CASKIN1: variants seen among roughly 807,000 people sequenced by gnomAD.
CASKIN1 encodes CASK interacting protein 1.
Under a neutral mutation model 117.5 loss-of-function variants are expected in CASKIN1, and 42 were observed. The observed-to-expected ratio is 0.36, with a 90% CI of 0.28 to 0.46. The LOEUF is 0.46. Ranked by LOEUF, CASKIN1 falls within the 20% of genes least tolerant of loss-of-function variation. The pLI is 1.00. For missense variants in CASKIN1, 2,083 were observed against 2,077.3 expected (o/e 1.00, Z -0.05); for synonymous variants, 1,148 against 961.7 (o/e 1.19, Z -3.59).
chr16:2,192,260 C>T (rs2093203376), intron 1 of CASKIN1, among the ~76,000 whole-genome samples: 1 of 151,680 alleles, frequency 6.6e-6, no homozygotes, highest in African/African-American at 2.4e-5. Context: ...GGTCGCACCA[C>T]TCACTGCATT....
At chr16:2,183,367 T>C (rs2093173899) in intron 16 of CASKIN1, among the ~76,000 whole-genome samples, 1 of 152,168 alleles carries the variant, frequency 6.6e-6, no homozygotes, top group South Asian at 2.1e-4. Flanking sequence ...GCAGCCTGCA[T>C]GTGGAGGGAG....
At position 2,196,438 on chromosome 16, in the gene CASKIN1, G is replaced by C; in HGVS notation, c.-6C>G. 1.6e-6 allele frequency: 2 copies of C among 1,262,552 alleles called. No individual in the cohort carries two copies. Among genetic ancestry groups the C allele is most frequent in the Non-Finnish European group, 2.0e-6 (2 of 989,328 alleles). 78.2% of individuals were successfully genotyped at this position (1,262,552 alleles called of 1,614,324 possible). A position where few individuals can be genotyped will look rare whatever the true frequency, so the allele number is the denominator to read the frequency against. ...AGCTCCTGCTCCTTCCCCATGGCGCGGCCGGGGCCGCAGCGACGCGGCTGC... is the reference window on the plus strand; with the variant it reads ...AGCTCCTGCTCCTTCCCCATGGCGCCGCCGGGGCCGCAGCGACGCGGCTGC... On this transcript the variant is annotated 5_prime_UTR_variant, in exon 1 of 20. Coordinates refer to ENST00000343516, the MANE Select transcript of CASKIN1 (RefSeq NM_020764.4). This position sits in a 1 kb window ranked among gnomAD's most constrained non-coding sequence, Gnocchi z 5.7.
chr16:2,196,447 C>T lies in CASKIN1; in HGVS notation c.-15G>A. On this transcript the variant is annotated 5_prime_UTR_variant, in exon 1 of 20. Transcript: ENST00000343516. The surrounding 1 kb of genome is among the most constrained non-coding windows in gnomAD (Gnocchi z 5.7). ...TCCTTCCCCATGGCGCGGCCGGGGCCGCAGCGACGCGGCTGCGCTCGTGAG... is the reference window on the plus strand; with the variant it reads ...TCCTTCCCCATGGCGCGGCCGGGGCTGCAGCGACGCGGCTGCGCTCGTGAG... 1 of 1,218,414 alleles carries T rather than the reference C, an allele frequency of 8.2e-7. No individual in the cohort carries two copies. 75.5% of individuals were successfully genotyped at this position (1,218,414 alleles called of 1,614,324 possible).
At chr16:2,188,490 A>C (rs1190567031) in intron 6 of CASKIN1, among the ~76,000 whole-genome samples, 1 of 151,772 alleles carries the variant, frequency 6.6e-6, no homozygotes, top group Non-Finnish European at 1.5e-5. Flanking sequence ...AGCTGGGTCT[A>C]CAGGTGTGTG....
Position 2,183,657 on chromosome 16 carries a change from C to T in CASKIN1, c.1618G>A (p.Glu540Lys). Residue 540 changes from glutamate to lysine, a missense_variant, in exon 16 of 20, where the codon GAG becomes AAG. Glu to Lys is a moderately conservative substitution (Grantham distance 56). This residue lies in a region of CASKIN1 where 1,818 missense variants were observed against 1,688.9 expected (regional missense o/e 1.08). Coordinates refer to ENST00000343516, the MANE Select transcript of CASKIN1 (RefSeq NM_020764.4). ...GCAGGTGGCCTTACGGGTTTGTGCT[C>T]AGGCAGCCAGTCAGGGATGCTTAGG... is the stretch of plus-strand genomic sequence containing the variant. ...SGLSIPDWLP[E>K]HKPANLAVWL... The T allele has an allele frequency of 1.2e-6, 2 of 1,613,144 alleles. No homozygotes were observed. Among genetic ancestry groups the T allele is most frequent in the Non-Finnish European group, 1.7e-6 (2 of 1,179,934 alleles).
chr16:2,179,909 C>A lies in CASKIN1; in HGVS notation c.3459G>T (p.Lys1153Asn), dbSNP rs1390842726. The A allele has an allele frequency of 6.2e-7, 1 of 1,605,494 alleles. No homozygotes were observed. Among genetic ancestry groups the A allele is most frequent in the Non-Finnish European group, 8.5e-7 (1 of 1,176,412 alleles). Residue 1153 changes from lysine (K) to asparagine (N), a missense_variant, in exon 18 of 20, where the codon AAG (lysine) becomes AAT (asparagine). This residue lies in a region of CASKIN1 where 1,818 missense variants were observed against 1,688.9 expected (regional missense o/e 1.08). Coordinates refer to ENST00000343516, the MANE Select transcript of CASKIN1 (RefSeq NM_020764.4). The surrounding 1 kb of genome is among the most constrained non-coding windows in gnomAD (Gnocchi z 5.8). Reference protein sequence around the residue: ...TESDTVKRRPKAKEREAGPEP... With the variant: ...TESDTVKRRPNAKEREAGPEP... ...CAGGCCCGGCCTCCCGCTCCTTGGC[C>A]TTGGGCCTGCGCTTGACCGTGTCAG...
rs781109737 is a variant in CASKIN1, at chr16:2,181,250, C to T, written c.2118G>A (p.Ser706=). ...LGGRARHMSS[S]QELLGDGPPG... Reference sequence around the variant, plus strand: ...GGGGCCCATCTCCCAGCAGCTCCTGCGAGCTGCTCATGTGCCGTGCCCGAC... The same window carrying T: ...GGGGCCCATCTCCCAGCAGCTCCTGTGAGCTGCTCATGTGCCGTGCCCGAC... Residue 706 remains serine, a synonymous_variant, in exon 18 of 20, where the codon TCG becomes TCA. Coordinates refer to ENST00000343516, the MANE Select transcript of CASKIN1 (RefSeq NM_020764.4). The T allele has an allele frequency of 1.8e-5, 28 of 1,598,094 alleles. No homozygotes were observed. Among genetic ancestry groups the T allele is most frequent in the South Asian group, 6.6e-5 (6 of 90,644 alleles).
intron 1 of CASKIN1, among the ~76,000 whole-genome samples, chr16:2,194,234 G>A (rs1290271375): frequency 6.6e-6 from 1 of 152,162 alleles, no homozygotes; most frequent in African/African-American, 2.4e-5. Flanking sequence ...CCATGGACAG[G>A]GGGCCTCCAT....
At position 2,179,029 on chromosome 16, in the gene CASKIN1, C is replaced by T. The variant is rs1486079774; in HGVS notation, c.4072G>A (p.Ala1358Thr). ...CCTGGCGAGGCGCCTTCGGGCGGGGCGGGGGGCGCGGCGGCGGCGGCGGCG... is the reference window on the plus strand; with the variant it reads ...CCTGGCGAGGCGCCTTCGGGCGGGGTGGGGGGCGCGGCGGCGGCGGCGGCG... ...AAAAAAAAPP[A>T]PPEGASPGDS... The change falls in exon 19 of 20, where the codon GCC becomes ACC. Residue 1358 changes from alanine to threonine, a missense_variant. Physicochemically the swap from Ala to Thr is moderately conservative, Grantham distance 58. This residue lies in a region of CASKIN1 where 1,818 missense variants were observed against 1,688.9 expected (regional missense o/e 1.08). Coordinates refer to ENST00000343516, the MANE Select transcript of CASKIN1 (RefSeq NM_020764.4). This position sits in a 1 kb window ranked among gnomAD's most constrained non-coding sequence, Gnocchi z 5.8. 17 of 1,145,118 alleles carry T rather than the reference C, an allele frequency of 1.5e-5. No homozygotes were observed. Among genetic ancestry groups the T allele is most frequent in the East Asian group, 4.2e-5 (1 of 24,058 alleles). 70.9% of individuals were successfully genotyped at this position (1,145,118 alleles called of 1,614,324 possible). A position where few individuals can be genotyped will look rare whatever the true frequency, so the allele number is the denominator to read the frequency against.
chr16:2,178,181 C>G lies in CASKIN1; in HGVS notation c.*369G>C, dbSNP rs567681873. Reference sequence around the variant, plus strand: ...GGGCCCTGACCTTGGTCCCCTGTCCCTTGTGCTGCGCCCGAGCGGCTGGCC... The same window carrying G: ...GGGCCCTGACCTTGGTCCCCTGTCCGTTGTGCTGCGCCCGAGCGGCTGGCC... On this transcript the variant is annotated 3_prime_UTR_variant, in exon 20 of 20. Coordinates refer to ENST00000343516, the MANE Select transcript of CASKIN1 (RefSeq NM_020764.4). The G allele has an allele frequency of 3.6e-4, 168 of 465,754 alleles. No individual in the cohort carries two copies. The highest frequency in any genetic ancestry group is 3.1e-3 in the African/African-American group (150 of 48,768). 28.9% of individuals were successfully genotyped at this position (465,754 alleles called of 1,614,324 possible).
chr16:2,178,694 C>T (rs1258617062), intron 19 of CASKIN1, 48 bp from the exon 20 acceptor site: 9 of 1,507,222 alleles, frequency 6.0e-6, no homozygotes, highest in African/African-American at 1.4e-5. Context: ...CGGGTCTGGC[C>T]ACGCCCACCC....
At chr16:2,190,976 G>A (rs576871059) in intron 1 of CASKIN1, among the ~76,000 whole-genome samples, 1 of 152,308 alleles carries the variant, frequency 6.6e-6, no homozygotes, top group African/African-American at 2.4e-5. Flanking sequence ...GCGACTCGGA[G>A]CACCTGAGGC....
In CASKIN1 at chr16:2,178,877, CCGCCA is replaced by C. The variant is rs2093155633; in HGVS notation, c.4199+20_4199+24del. 7.9e-6 allele frequency: 11 copies of C among 1,397,816 alleles called. No individual in the cohort carries two copies. The highest frequency in any genetic ancestry group is 1.0e-5 in the Non-Finnish European group (11 of 1,086,124). 86.6% of individuals were successfully genotyped at this position (1,397,816 alleles called of 1,614,324 possible). On this transcript the variant is annotated intron_variant, in intron 19 of 19. Coordinates refer to ENST00000343516, the MANE Select transcript of CASKIN1 (RefSeq NM_020764.4). ...ATCTCTGCCGAGCCCCGCCCTCCGC[CCGCCA>C]GGCCCCGCCCCGCACCTACCGCGGG...
Position 2,181,503 on chromosome 16 carries a change from G to A in CASKIN1, c.1865C>T (p.Ala622Val), listed in dbSNP as rs184044233. 183 of 1,610,014 alleles carry A rather than the reference G, an allele frequency of 1.1e-4. 1 individual carries two copies. The African/African-American group carries it at 1.4e-3, about 12-fold the overall frequency. Reference sequence around the variant, plus strand: ...GGCCATCACTTCAAGAGACTGGGGCGCCTTCCGGCGCAGGGGGCCCCCCTC... The same window carrying A: ...GGCCATCACTTCAAGAGACTGGGGCACCTTCCGGCGCAGGGGGCCCCCCTC... ...KYEGGPLRRK[A>V]PQSLEVMAIE... The change falls in exon 18 of 20, where the codon GCG becomes GTG. Residue 622 changes from alanine (A) to valine (V), a missense_variant. Ala to Val is a moderately conservative substitution (Grantham distance 64, BLOSUM62 0). This residue lies in a region of CASKIN1 where 1,818 missense variants were observed against 1,688.9 expected (regional missense o/e 1.08). Transcript: ENST00000343516.
rs535384552 is a variant in CASKIN1, at chr16:2,187,088, G to C, written c.836-16C>G. On this transcript the variant is annotated splice_polypyrimidine_tract_variant and intron_variant, in intron 8 of 19. Transcript: ENST00000343516. ...GCTGAGGCCTCTGGGGATACAGGAG[G>C]GGGCCCCCGAAGTCCTGCGGGCTGA... 13 of 1,613,334 alleles carry C rather than the reference G, an allele frequency of 8.1e-6. No individual in the cohort carries two copies. In the African/African-American group the frequency reaches 1.6e-4, roughly 20 times the overall value.
Position 2,185,324 on chromosome 16 carries a change from A to G in CASKIN1, c.1133T>C (p.Leu378Pro). Reference protein sequence around the residue: ...PSAPPEEIWVLRKPFAGGDRS... With the variant: ...PSAPPEEIWVPRKPFAGGDRS... ...CAGCCTACCTGCAAAAGGCTTCCTC[A>G]GCACCCAGATCTCCTCTGGGGGTGC... Residue 378 changes from leucine (L) to proline (P), a missense_variant, in exon 11 of 20, where the codon CTG becomes CCG. Leu to Pro is a moderately conservative substitution (Grantham distance 98). Coordinates refer to ENST00000343516, the MANE Select transcript of CASKIN1 (RefSeq NM_020764.4). The G allele has an allele frequency of 3.7e-6, 6 of 1,600,880 alleles. No homozygotes were observed. The highest frequency in any genetic ancestry group is 4.3e-6 in the Non-Finnish European group (5 of 1,170,758).
intron 8 of CASKIN1, 21 bp downstream of exon 8, chr16:2,187,145 C>G: frequency 6.2e-7 from 1 of 1,613,560 alleles, no homozygotes; most frequent in Non-Finnish European, 8.5e-7. Flanking sequence ...GCCACTGCCC[C>G]TCTGCCCTGC....
rs1344860226 is a variant in CASKIN1, at chr16:2,187,213, T to C, written c.788A>G (p.Gln263Arg). ...YSQTALDIVH[Q>R]FTTSQASREI... ...CCTGCTGGCCTGGGACGTGGTGAACTGGTGCACGATGTCCAGGGCTGTCTG... is the reference window on the plus strand; with the variant it reads ...CCTGCTGGCCTGGGACGTGGTGAACCGGTGCACGATGTCCAGGGCTGTCTG... The change falls in exon 8 of 20, where the codon CAG (glutamine) becomes CGG (arginine). Residue 263 changes from glutamine (Q) to arginine (R), a missense_variant. This residue lies in a region of CASKIN1 where 203 missense variants were observed against 338.7 expected (regional missense o/e 0.60). Coordinates refer to ENST00000343516, the MANE Select transcript of CASKIN1 (RefSeq NM_020764.4). 6.2e-7 allele frequency: 1 copy of C among 1,614,054 alleles called. No homozygotes were observed. The highest frequency in any genetic ancestry group is 8.5e-7 in the Non-Finnish European group (1 of 1,179,974).
At position 2,179,026 on chromosome 16, in the gene CASKIN1, G is replaced by A. The variant is rs1225811912; in HGVS notation, c.4075C>T (p.Pro1359Ser). The A allele has an allele frequency of 3.5e-6, 4 of 1,156,812 alleles. No individual in the cohort carries two copies. Among genetic ancestry groups the A allele is most frequent in the Non-Finnish European group, 4.3e-6 (4 of 940,342 alleles). The allele number at this position is 1,156,812 out of a possible 1,614,324, so 71.7% of individuals were successfully genotyped here. The change falls in exon 19 of 20, where the codon CCG becomes TCG. Residue 1359 changes from proline to serine, a missense_variant. Coordinates refer to ENST00000343516, the MANE Select transcript of CASKIN1 (RefSeq NM_020764.4). This position sits in a 1 kb window ranked among gnomAD's most constrained non-coding sequence, Gnocchi z 5.8. ...TCCCCTGGCGAGGCGCCTTCGGGCG[G>A]GGCGGGGGGCGCGGCGGCGGCGGCG... ...AAAAAAAPPAPPEGASPGDSA... is the reference protein window; with the variant it reads ...AAAAAAAPPASPEGASPGDSA...
Sources: gnomAD v4.1 joint callset for allele counts (sites outside exome capture counted in the v4.1 genomes callset) on GRCh38, gnomAD v4.1.1 for gene constraint, gnomAD v4.1.1 regional missense constraint, Gnocchi (gnomAD v3.1) non-coding constraint, MANE v1.5 for transcripts, NCBI Gene and HGNC (gene_info 2026-07-23, HGNC 2026-07-21) for gene names.